The following PCDH15 variants were observed in gnomAD, a reference collection of about 807,000 sequenced individuals.
PCDH15 encodes protocadherin-15.
A neutral mutation model predicts 178.5 loss-of-function variants in PCDH15; 129 were observed. The observed-to-expected ratio is 0.72, with a 90% confidence interval of 0.63 to 0.84. The LOEUF is 0.84. PCDH15 is among the 40% of genes least tolerant of loss of function. The pLI is 0.00. For synonymous variants in PCDH15, 800 were observed against 732.0 expected (o/e 1.09, Z -1.50); for missense variants, 2,230 against 2,099.9 (o/e 1.06, Z -1.21).
chr10:54,921,944 G>C (rs972671156), intron 2 of PCDH15, among the ~76,000 whole-genome samples: 3 of 152,138 alleles, frequency 2.0e-5, no homozygotes, highest in African/African-American at 7.2e-5. Context: ...GGAGTGAAGA[G>C]GGAAGTGCAA....
intron 1 of PCDH15, among the ~76,000 whole-genome samples, chr10:55,197,754 T>C (rs1840133871): frequency 1.3e-5 from 2 of 152,124 alleles, no homozygotes; most frequent in African/African-American, 4.8e-5. Context: ...CTTGAAATGA[T>C]ATATTTTGCT....
intron 2 of PCDH15, among the ~76,000 whole-genome samples, chr10:54,958,909 T>C (rs373459368): frequency 6.6e-6 from 1 of 151,966 alleles, no homozygotes; most frequent in Non-Finnish European, 1.5e-5. Context: ...GAATAGTTCA[T>C]ACCTTAGACA....
chr10:54,268,014 C>A (rs2057803141), intron 8 of PCDH15, among the ~76,000 whole-genome samples: 1 of 151,858 alleles, frequency 6.6e-6, no homozygotes, highest in African/African-American at 2.4e-5. Flanking sequence ...CAACACATTA[C>A]CTGACTTCAA....
chr10:55,250,700 C>G (rs1282355238), intron 1 of PCDH15, among the ~76,000 whole-genome samples: 1 of 151,452 alleles, frequency 6.6e-6, no homozygotes, highest in East Asian at 2.0e-4. Context: ...CCACACCCAG[C>G]TATTTTTTGT....
intron 2 of PCDH15, among the ~76,000 whole-genome samples, chr10:55,097,381 T>C (rs780169099): frequency 2.0e-4 from 30 of 152,036 alleles, no homozygotes; most frequent in African/African-American, 4.3e-4. Context: ...TTGGGGGAGC[T>C]AGGAAGTGAA....
rs574542457 is a variant in PCDH15, at chr10:54,251,273, T to A, written c.877-14342A>T. On this transcript the variant is annotated intron_variant, in intron 8 of 37. Coordinates refer to ENST00000644397, the MANE Select transcript of PCDH15 (RefSeq NM_001384140.1). The stretch of plus-strand genomic sequence containing the variant: ...TAGTTTACCAGGGATTTTCCAAGTA[T>A]TTGTCTGTGCTTTAACTGTGATTCA... 7.2e-5 allele frequency among the ~76,000 whole-genome samples: 11 copies of A among 152,334 alleles called. No individual in the cohort carries two copies. In the East Asian group the frequency reaches 2.1e-3, roughly 29 times the overall value.
chr10:53,891,015 T>C (rs1161103211), intron 26 of PCDH15, among the ~76,000 whole-genome samples: 2 of 152,200 alleles, frequency 1.3e-5, no homozygotes, highest in African/African-American at 4.8e-5. Context: ...TTATTGGAAA[T>C]ATTGATAGAC....
intron 3 of PCDH15, among the ~76,000 whole-genome samples, chr10:54,449,547 C>G (rs1414166159): frequency 6.6e-6 from 1 of 151,720 alleles, no homozygotes; most frequent in Admixed American, 6.6e-5. Flanking sequence ...TTCTACCTGA[C>G]TTTATTCACT....
chr10:53,816,806 C>T (rs2076075658), intron 34 of PCDH15, among the ~76,000 whole-genome samples: 1 of 152,174 alleles, frequency 6.6e-6, no homozygotes, highest in Admixed American at 6.5e-5. Flanking sequence ...GTGTGGATTT[C>T]TTGCACTAAA....
chr10:55,219,312 C>T lies in PCDH15; in HGVS notation c.-155-52661G>A, dbSNP rs950959470. ...TTTTCTAGTATAATTACTGATTGTG[C>T]CTTCTTTCATCTCAAAATGGTTCCC... On this transcript the variant is annotated intron_variant, in intron 1 of 5. Transcript: ENST00000458638. 2.0e-5 allele frequency among the ~76,000 whole-genome samples: 3 copies of T among 151,760 alleles called. No homozygotes were observed. The South Asian group carries it at 6.2e-4, about 31-fold the overall frequency.
intron 2 of PCDH15, among the ~76,000 whole-genome samples, chr10:55,328,006 T>C (rs565736695): frequency 6.6e-6 from 1 of 152,160 alleles, no homozygotes; most frequent in Non-Finnish European, 1.5e-5. Context: ...TTTGGAAAGA[T>C]TTAATACAAT....
At chr10:55,231,551 A>C (rs890711853) in intron 1 of PCDH15, among the ~76,000 whole-genome samples, 2 of 152,070 alleles carry the variant, frequency 1.3e-5, no homozygotes, top group Non-Finnish European at 2.9e-5. Flanking sequence ...ATCTATTCCA[A>C]TGAAATGAGA....
intron 2 of PCDH15, among the ~76,000 whole-genome samples, chr10:55,443,395 A>C (rs890344395): frequency 6.6e-6 from 1 of 152,186 alleles, no homozygotes; most frequent in Non-Finnish European, 1.5e-5. Context: ...TCAAAGGGCT[A>C]ATATCCAGAA....
At chr10:55,157,861 G>A (rs1441507690) in intron 2 of PCDH15, among the ~76,000 whole-genome samples, 2 of 151,846 alleles carry the variant, frequency 1.3e-5, no homozygotes, top group African/African-American at 4.8e-5. Flanking sequence ...TGTAAATGAC[G>A]AGTAAATGGG....
intron 1 of PCDH15, among the ~76,000 whole-genome samples, chr10:54,746,700 C>A (rs1165069417): frequency 1.3e-5 from 2 of 152,142 alleles, no homozygotes; most frequent in South Asian, 2.1e-4. Context: ...ATATTTTTAT[C>A]CTTCTTGTGT....
rs747513736 is a variant in PCDH15, at chr10:53,838,726, CTAAACTTTTTAAATTAA to C, written c.3983+1577_3983+1593del. ...TATGAATTACTTTGGAAGTTTATTC[CTAAACTTTTTAAATTAA>C]TAAACTTTTTAAATTAATAAAACTT... On this transcript the variant is annotated intron_variant, in intron 29 of 37. Coordinates refer to ENST00000644397, the MANE Select transcript of PCDH15 (RefSeq NM_001384140.1). Among the ~76,000 whole-genome samples the C allele has an allele frequency of 4.3e-4, 65 of 152,108 alleles. 1 individual carries two copies. The highest frequency in any genetic ancestry group is 1.5e-3 in the Admixed American group (23 of 15,280).
intron 7 of PCDH15, among the ~76,000 whole-genome samples, chr10:54,319,207 A>G (rs984674919): frequency 6.6e-6 from 1 of 152,174 alleles, no homozygotes; most frequent in African/African-American, 2.4e-5. Flanking sequence ...ATTTTGTACA[A>G]CATTGACAAG....
At chr10:55,430,326 G>C (rs1589019808) in intron 2 of PCDH15, among the ~76,000 whole-genome samples, 1 of 152,026 alleles carries the variant, frequency 6.6e-6, no homozygotes, top group African/African-American at 2.4e-5. Context: ...AGAGGAATGG[G>C]GGAAGAAAAA....
At chr10:54,123,931 A>G (rs2041776696) in intron 15 of PCDH15, among the ~76,000 whole-genome samples, 1 of 152,180 alleles carries the variant, frequency 6.6e-6, no homozygotes, top group Non-Finnish European at 1.5e-5. Context: ...ATTCTCACTT[A>G]TAAGTGAGAA....
Sources: allele counts gnomAD v4.1 joint callset (sites outside exome capture counted in the v4.1 genomes callset), GRCh38; gene constraint gnomAD v4.1.1; transcripts MANE v1.5; gene names NCBI Gene and HGNC (gene_info 2026-07-23, HGNC 2026-07-21).